Variants in C2orf69 observed in about 807,000 individuals in gnomAD.
The protein encoded by C2orf69 is mitochondrial protein C2orf69.
Under a neutral mutation model 29.5 loss-of-function variants are expected in C2orf69, and 19 were observed. That is an observed-to-expected ratio of 0.65 (90% CI 0.45 to 0.95). The LOEUF is 0.95. Among genes scored for constraint, C2orf69 ranks in the 40% least tolerant of loss-of-function variants. C2orf69 has a pLI of 0.00. For synonymous variants in C2orf69, 194 were observed against 180.0 expected, an observed-to-expected ratio of 1.08 and a Z score of -0.62; for missense variants, 416 against 482.1, an observed-to-expected ratio of 0.86 and a Z score of 1.28.
At chr2:199,924,428 A>G (rs1400825921) in intron 1 of C2orf69, among the ~76,000 whole-genome samples, 1 of 152,208 alleles carries the variant, frequency 6.6e-6, no homozygotes, top group Non-Finnish European at 1.5e-5. Context: ...AATGAGGGGC[A>G]AAGGATATGA....
chr2:199,920,433 C>T (rs993966848), intron 1 of C2orf69, among the ~76,000 whole-genome samples: 1 of 152,116 alleles, frequency 6.6e-6, no homozygotes, highest in African/African-American at 2.4e-5. Flanking sequence ...AGATTTAGAG[C>T]ACCTTCTATG....
rs937850041 is a variant in C2orf69 at position 199,927,338 on chromosome 2, G to GCTT, written c.*1453_*1455dup. The GCTT allele has an allele frequency of 3.5e-5, 5 of 142,570 alleles. No individual in the cohort carries two copies. The highest frequency in any genetic ancestry group is 7.6e-5 in the Non-Finnish European group (5 of 65,918). The allele number at this position is 142,570 out of a possible 1,614,324, so 8.8% of individuals were successfully genotyped here. A position where few individuals can be genotyped will look rare whatever the true frequency, so the allele number is the denominator to read the frequency against. ...AAAAAAAAAAAAAAAAGACACTGAA[G>GCTT]CTTAATACCTTAATGACCCAGAAGA... is the stretch of plus-strand genomic sequence containing the variant. On this transcript the variant is annotated 3_prime_UTR_variant, in exon 2 of 2. Coordinates refer to ENST00000319974, the MANE Select transcript of C2orf69 (RefSeq NM_153689.6).
Position 199,925,251 on chromosome 2 carries a change from C to T in C2orf69, c.523C>T (p.Pro175Ser). ...TGTGAAAAGTAACATGTTTGGTGCC[C>T]CAGAACACAATACTGACTTTGGAGC... ...NFVKSNMFGA[P>S]EHNTDFGAFK... Residue 175 changes from proline to serine, a missense_variant, in exon 2 of 2, where the codon CCA becomes TCA. Coordinates refer to ENST00000319974, the MANE Select transcript of C2orf69 (RefSeq NM_153689.6). The surrounding 1 kb of genome is among the most constrained non-coding windows in gnomAD (Gnocchi z 4.9). The T allele has an allele frequency of 6.2e-7, 1 of 1,612,226 alleles. No individual in the cohort carries two copies. Among genetic ancestry groups the T allele is most frequent in the Non-Finnish European group, 8.5e-7 (1 of 1,179,800 alleles).
chr2:199,926,646 T>TAAAAC lies in C2orf69; in HGVS notation c.*775_*779dup, dbSNP rs560525732. 2.4e-4 allele frequency: 36 copies of TAAAAC among 152,624 alleles called. No homozygotes were observed. The highest frequency in any genetic ancestry group is 7.9e-4 in the African/African-American group (33 of 41,576). 9.5% of individuals were successfully genotyped at this position (152,624 alleles called of 1,614,324 possible). A position where few individuals can be genotyped will look rare whatever the true frequency, so the allele number is the denominator to read the frequency against. Reference sequence around the variant, plus strand: ...GGGCAACATAGTGGGACTTCATCTCTAAAACAAAACAAAACAAAATTACAC... The same window carrying TAAAAC: ...GGGCAACATAGTGGGACTTCATCTCTAAAACAAAACAAAACAAAACAAAATTACAC... On this transcript the variant is annotated 3_prime_UTR_variant, in exon 2 of 2. Coordinates refer to ENST00000319974, the MANE Select transcript of C2orf69 (RefSeq NM_153689.6).
chr2:199,911,432 G>A lies in C2orf69; in HGVS notation c.-7G>A. 6.6e-7 allele frequency: 1 copy of A among 1,511,894 alleles called. No homozygotes were observed. The highest frequency in any genetic ancestry group is 2.5e-5 in the East Asian group (1 of 39,766). 93.7% of individuals were successfully genotyped at this position (1,511,894 alleles called of 1,614,324 possible). A position where few individuals can be genotyped will look rare whatever the true frequency, so the allele number is the denominator to read the frequency against. ...CCACCTCCGAACCGCTCTCGCGGCG[G>A]CGACCCATGTGGGGGTTCAGGCTCC... On this transcript the variant is annotated 5_prime_UTR_variant, in exon 1 of 2. Coordinates refer to ENST00000319974, the MANE Select transcript of C2orf69 (RefSeq NM_153689.6).
At chr2:199,922,131 T>A (rs1210073983) in intron 1 of C2orf69, among the ~76,000 whole-genome samples, 1 of 147,662 alleles carries the variant, frequency 6.8e-6, no homozygotes, top group East Asian at 2.0e-4. Flanking sequence ...GGTCTAACTC[T>A]ATTGTCAAGG....
chr2:199,923,955 T>C (rs967435699), intron 1 of C2orf69, among the ~76,000 whole-genome samples: 17 of 152,270 alleles, frequency 1.1e-4, no homozygotes, highest in African/African-American at 3.6e-4. Context: ...GTAAATTTTA[T>C]AGAACAAATG....
rs550157697 is a variant in C2orf69 at position 199,912,736 on chromosome 2, G to A, written c.333+965G>A. 2.0e-5 allele frequency among the ~76,000 whole-genome samples: 3 copies of A among 152,232 alleles called. No individual in the cohort carries two copies. The South Asian group carries it at 6.2e-4, about 32-fold the overall frequency. On this transcript the variant is annotated intron_variant, in intron 1 of 1. Transcript: ENST00000319974. ...ACTCACTGCAACCTCCGCCTCCCGG[G>A]CTCAAGTGATTCTCGTGCCTCAGCC... is the stretch of plus-strand genomic sequence containing the variant.
At chr2:199,919,011 G>C (rs921919798) in intron 1 of C2orf69, among the ~76,000 whole-genome samples, 1 of 152,100 alleles carries the variant, frequency 6.6e-6, no homozygotes, top group East Asian at 1.9e-4. Flanking sequence ...AAATGCAGTG[G>C]CGTGAACATG....
intron 1 of C2orf69, among the ~76,000 whole-genome samples, chr2:199,913,502 A>G: frequency 1.5e-5 from 1 of 65,014 alleles, no homozygotes; most frequent in South Asian, 5.6e-4. Flanking sequence ...TATTATATAA[A>G]ATATATATTA....
chr2:199,927,903 A>T lies in C2orf69; in HGVS notation c.*2017A>T, dbSNP rs1250938096. The T allele has an allele frequency of 6.6e-6, 1 of 152,176 alleles. No individual in the cohort carries two copies. The highest frequency in any genetic ancestry group is 1.5e-5 in the Non-Finnish European group (1 of 67,974). The allele number at this position is 152,176 out of a possible 1,614,324, so 9.4% of individuals were successfully genotyped here. ...TAAAAATAATTTTAAAAAATCAGAC[A>T]TATTTAAAAATCTAGGTTGTCTATC... On this transcript the variant is annotated 3_prime_UTR_variant, in exon 2 of 2. Transcript: ENST00000319974.
chr2:199,913,213 T>A (rs1484595455), intron 1 of C2orf69, among the ~76,000 whole-genome samples: 4 of 84,180 alleles, frequency 4.8e-5, no homozygotes, highest in African/African-American at 1.5e-4. Flanking sequence ...ATATAATATA[T>A]TATATATAAT....
Position 199,911,541 on chromosome 2 carries a change from C to A in C2orf69, c.103C>A (p.Pro35Thr). 3 of 1,549,788 alleles carry A rather than the reference C, an allele frequency of 1.9e-6. No homozygotes were observed. Among genetic ancestry groups the A allele is most frequent in the Non-Finnish European group, 2.6e-6 (3 of 1,146,708 alleles). The change falls in exon 1 of 2, where the codon CCG (proline) becomes ACG (threonine). Residue 35 changes from proline to threonine, a missense_variant. By Grantham distance (38) the Pro-to-Thr change is conservative. This residue lies in a region of C2orf69 where 175 missense variants were observed against 139.9 expected (regional missense o/e 1.25). Transcript: ENST00000319974. ...SSCSQARTMN[P>T]GGSGGARCSL... ...CTGCTCTCAGGCCAGAACCATGAAC[C>A]CGGGCGGCAGCGGCGGCGCGCGATG... is the stretch of plus-strand genomic sequence containing the variant.
chr2:199,922,569 G>A (rs1044048434), intron 1 of C2orf69, among the ~76,000 whole-genome samples: 27 of 151,982 alleles, frequency 1.8e-4, no homozygotes, highest in Admixed American at 1.7e-3. Flanking sequence ...TAAATTTCTC[G>A]AAGAATTACT....
At chr2:199,916,988 C>T (rs1574780574) in intron 1 of C2orf69, among the ~76,000 whole-genome samples, 1 of 152,328 alleles carries the variant, frequency 6.6e-6, no homozygotes, top group South Asian at 2.1e-4. Context: ...AAACTTCTGC[C>T]TGGACATCCA....
Position 199,911,465 on chromosome 2 carries a change from G to A in C2orf69, c.27G>A (p.Ser9=), listed in dbSNP as rs1475756606. The A allele has an allele frequency of 6.5e-7, 1 of 1,544,036 alleles. No individual in the cohort carries two copies. Among genetic ancestry groups the A allele is most frequent in the African/African-American group, 1.4e-5 (1 of 72,586 alleles). The change falls in exon 1 of 2, where the codon TCG becomes TCA. Residue 9 remains serine, a synonymous_variant. Coordinates refer to ENST00000319974, the MANE Select transcript of C2orf69 (RefSeq NM_153689.6). ...TGTGGGGGTTCAGGCTCCTGCGGTCGCCGCCGTTGCTGCTCCTGCTGCCGC... is the reference window on the plus strand; with the variant it reads ...TGTGGGGGTTCAGGCTCCTGCGGTCACCGCCGTTGCTGCTCCTGCTGCCGC... MWGFRLLR[S]PPLLLLLPQL...
At chr2:199,915,884 T>C (rs1478560335) in intron 1 of C2orf69, among the ~76,000 whole-genome samples, 1 of 152,242 alleles carries the variant, frequency 6.6e-6, no homozygotes, top group African/African-American at 2.4e-5. Flanking sequence ...GTTTTTCATA[T>C]GATTTTAAGT....
At position 199,925,718 on chromosome 2, in the gene C2orf69, T is replaced by G; in HGVS notation, c.990T>G (p.His330Gln). The G allele has an allele frequency of 6.2e-7, 1 of 1,613,978 alleles. No homozygotes were observed. The highest frequency in any genetic ancestry group is 8.5e-7 in the Non-Finnish European group (1 of 1,179,860). Residue 330 changes from histidine (H) to glutamine (Q), a missense_variant, in exon 2 of 2, where the codon CAT becomes CAG. Physicochemically the swap from His to Gln is conservative, Grantham distance 24. Transcript: ENST00000319974. The surrounding 1 kb of genome is among the most constrained non-coding windows in gnomAD (Gnocchi z 4.9). ...FAQTGIIVHT[H>Q]VTPYQVRDPM... The stretch of plus-strand genomic sequence containing the variant: ...AAACAGGAATTATCGTTCACACTCA[T>G]GTAACACCTTACCAAGTACGTGATC...
At chr2:199,919,100 G>T (rs2077304200) in intron 1 of C2orf69, among the ~76,000 whole-genome samples, 1 of 152,092 alleles carries the variant, frequency 6.6e-6, no homozygotes, top group Non-Finnish European at 1.5e-5. Context: ...TTACAGGCAT[G>T]CACAATCACA....
Sources: allele counts gnomAD v4.1 joint callset (sites outside exome capture counted in the v4.1 genomes callset), GRCh38; gene constraint gnomAD v4.1.1; regional missense constraint gnomAD v4.1.1; non-coding constraint Gnocchi (gnomAD v3.1); transcripts MANE v1.5; gene names NCBI Gene and HGNC (gene_info 2026-07-23, HGNC 2026-07-21).